Variants in PCDHA5 observed in about 807,000 individuals in gnomAD.
The protein encoded by PCDHA5 is protocadherin alpha-5.
PCDHA5 carries 43 observed loss-of-function variants against 61.6 expected under a neutral mutation model. The observed-to-expected ratio is 0.70, with a 90% CI of 0.55 to 0.90. The LOEUF is 0.90. Ranked by LOEUF, PCDHA5 falls within the 40% of genes least tolerant of loss-of-function variation. The probability of loss-of-function intolerance (pLI) is 0.00; values close to 1 mark genes in which losing one functional copy is unlikely to be tolerated. For synonymous variants in PCDHA5, 627 were observed against 543.9 expected, an observed-to-expected ratio of 1.15 and a Z score of -2.13; for missense variants, 1,298 against 1,222.7, an observed-to-expected ratio of 1.06 and a Z score of -0.92.
intron 1 of PCDHA5, among the ~76,000 whole-genome samples, chr5:140,898,932 A>G (rs1330684874): frequency 6.6e-6 from 1 of 151,964 alleles, no homozygotes; most frequent in Admixed American, 6.6e-5. Flanking sequence ...ATTCCTAAGT[A>G]TTTTATTCTC....
At chr5:140,978,897 G>A in intron 1 of PCDHA5, 52 bp from the exon 2 acceptor site, 2 of 1,612,776 alleles carry the variant, frequency 1.2e-6, no homozygotes, top group South Asian at 1.1e-5. Flanking sequence ...AGCATTCCTG[G>A]GAGAACATTG....
At chr5:140,844,886 G>A (rs1779598763) in intron 1 of PCDHA5, among the ~76,000 whole-genome samples, 1 of 149,368 alleles carries the variant, frequency 6.7e-6, no homozygotes, top group Admixed American at 6.7e-5. Context: ...TAGACTTCGT[G>A]CATATTGCTT....
chr5:140,873,639 T>G (rs567970956), intron 1 of PCDHA5, among the ~76,000 whole-genome samples: 1 of 152,346 alleles, frequency 6.6e-6, no homozygotes, highest in African/African-American at 2.4e-5. Context: ...AAAGAGTATG[T>G]GAGAACTACA....
chr5:140,883,822 C>T, intron 1 of PCDHA5: 2 of 1,612,484 alleles, frequency 1.2e-6, no homozygotes, highest in Non-Finnish European at 1.7e-6. Flanking sequence ...GCAAGGTGTA[C>T]GCGCTGCAGC....
At chr5:141,007,507 G>A (rs2098333216) in intron 3 of PCDHA5, among the ~76,000 whole-genome samples, 1 of 151,980 alleles carries the variant, frequency 6.6e-6, no homozygotes, top group Admixed American at 6.6e-5. Flanking sequence ...GGCAGAGACT[G>A]CAGTGAGCTG....
intron 1 of PCDHA5, chr5:140,835,983 C>T (rs1290587139): frequency 1.2e-6 from 2 of 1,613,326 alleles, no homozygotes; most frequent in Non-Finnish European, 1.7e-6. Flanking sequence ...GTTGCAGTTC[C>T]AGGTGAGCGC....
chr5:140,938,176 G>A (rs1554212021), intron 1 of PCDHA5, among the ~76,000 whole-genome samples: 1 of 152,088 alleles, frequency 6.6e-6, no homozygotes, highest in Non-Finnish European at 1.5e-5. Flanking sequence ...GAGCTCCTGG[G>A]CTCAAGCAAT....
rs782334415 is a variant in PCDHA5 at position 141,009,744 on chromosome 5, A to T, written c.2618A>T (p.Lys873Ile). 8.1e-6 allele frequency: 13 copies of T among 1,614,028 alleles called. No homozygotes were observed. Among genetic ancestry groups the T allele is most frequent in the Non-Finnish European group, 1.1e-5 (13 of 1,180,034 alleles). The change falls in exon 4 of 4, where the codon AAA becomes ATA. Residue 873 changes from lysine (K) to isoleucine (I), a missense_variant. Transcript: ENST00000529859. Reference protein sequence around the residue: ...KQSGPGELPDKFIIPGSPAII... With the variant: ...KQSGPGELPDIFIIPGSPAII... ...TCCGGTCCCGGTGAGTTGCCCGACA[A>T]ATTCATTATCCCAGGATCTCCTGCA...
chr5:140,856,754 G>A (rs536378352), intron 1 of PCDHA5: 8 of 1,596,774 alleles, frequency 5.0e-6, no homozygotes, highest in African/African-American at 1.3e-5. Flanking sequence ...AGATGCCAAT[G>A]ATAACGCCCC....
intron 3 of PCDHA5, among the ~76,000 whole-genome samples, chr5:141,002,021 C>A (rs1177146388): frequency 2.6e-5 from 4 of 152,184 alleles, no homozygotes; most frequent in Admixed American, 6.5e-5. Flanking sequence ...GCACAGCCTT[C>A]GGTGCCCTGA....
At chr5:140,825,380 T>C (rs1415705722) in intron 1 of PCDHA5, 1 of 146,050 alleles carries the variant, frequency 6.8e-6, no homozygotes, top group Non-Finnish European at 1.5e-5. Context: ...ATCTAAAATA[T>C]CTAATATATA....
chr5:140,853,855 T>A, intron 1 of PCDHA5: 1 of 985,872 alleles, frequency 1.0e-6, no homozygotes, highest in Non-Finnish European at 1.2e-6. Flanking sequence ...TAGCCCTATT[T>A]GATACTTGAC....
chr5:141,006,207 T>C (rs1434083054), intron 3 of PCDHA5, among the ~76,000 whole-genome samples: 4 of 150,998 alleles, frequency 2.6e-5, no homozygotes, highest in Non-Finnish European at 5.9e-5. Context: ...TTATGCCTCA[T>C]TTTTTTTTAA....
At position 140,858,115 on chromosome 5, in the gene PCDHA5, G is replaced by A. The variant is rs371261838; in HGVS notation, c.2352+33988G>A. 5.0e-6 allele frequency: 8 copies of A among 1,597,696 alleles called. 1 individual carries two copies. Among genetic ancestry groups the A allele is most frequent in the Non-Finnish European group, 6.9e-6 (8 of 1,167,654 alleles). ...CTTCAGTGGGCGTGGCGCCCGAGGT[G>A]GCCCTGGTGGATGTCAACGTGTACC... On this transcript the variant is annotated intron_variant, in intron 1 of 3. Transcript: ENST00000529859.
intron 1 of PCDHA5, among the ~76,000 whole-genome samples, chr5:140,896,143 T>C (rs932166066): frequency 2.6e-5 from 4 of 152,198 alleles, no homozygotes; most frequent in Non-Finnish European, 5.9e-5. Context: ...CAGTGCACCA[T>C]TGATGGGCAT....
chr5:140,916,227 C>T (rs1554197349), intron 1 of PCDHA5, among the ~76,000 whole-genome samples: 2 of 152,208 alleles, frequency 1.3e-5, no homozygotes, highest in African/African-American at 4.8e-5. Context: ...AATATGCTTT[C>T]CAGGAGCCAA....
intron 3 of PCDHA5, among the ~76,000 whole-genome samples, chr5:140,985,739 CTT>C (rs11372071): frequency 4.2e-4 from 50 of 117,920 alleles, no homozygotes; most frequent in Middle Eastern, 4.8e-3. Context: ...TGATGAATTC[CTT>C]TTTTTTTTTT....
intron 1 of PCDHA5, among the ~76,000 whole-genome samples, chr5:140,950,648 T>C (rs2153690319): frequency 6.6e-6 from 1 of 152,222 alleles, no homozygotes; most frequent in East Asian, 1.9e-4. Flanking sequence ...CTGTTTATGG[T>C]TGGCTGAGTT....
chr5:140,836,509 G>C, intron 1 of PCDHA5: 1 of 1,613,894 alleles, frequency 6.2e-7, no homozygotes, highest in Non-Finnish European at 8.5e-7. Context: ...GCGGTGTCCA[G>C]TCTGTTGGTG....
Sources: allele counts gnomAD v4.1 joint callset (sites outside exome capture counted in the v4.1 genomes callset), GRCh38; gene constraint gnomAD v4.1.1; transcripts MANE v1.5; gene names NCBI Gene and HGNC (gene_info 2026-07-23, HGNC 2026-07-21).